GPC6: variants seen among roughly 807,000 people sequenced by gnomAD.
GPC6 encodes the protein glypican-6.
Under a neutral mutation model 55.2 loss-of-function variants are expected in GPC6, and 14 were observed. The observed-to-expected ratio is 0.25, with a 90% CI of 0.17 to 0.40. The LOEUF (loss-of-function observed/expected upper bound fraction) is 0.40, where lower values mean the gene tolerates loss of function less well. GPC6 is among the 10% of genes least tolerant of loss of function. GPC6 has a pLI of 1.00. For synonymous variants in GPC6, 278 were observed against 259.6 expected, an observed-to-expected ratio of 1.07 and a Z score of -0.68; for missense variants, 641 against 708.5, an observed-to-expected ratio of 0.90 and a Z score of 1.08.
chr13:93,659,555 A>AT (rs1006784187), intron 2 of GPC6, among the ~76,000 whole-genome samples: 2 of 151,966 alleles, frequency 1.3e-5, no homozygotes, highest in African/African-American at 4.8e-5. Flanking sequence ...TTAATGGGAT[A>AT]TTTTTCTTAA....
intron 1 of GPC6, among the ~76,000 whole-genome samples, chr13:93,451,725 T>C (rs1050541878): frequency 6.6e-5 from 10 of 152,220 alleles, no homozygotes; most frequent in African/African-American, 2.4e-4. Context: ...AATTTGATGA[T>C]GCTAAATTTA....
At chr13:93,580,825 A>G (rs1379812520) in intron 2 of GPC6, among the ~76,000 whole-genome samples, 1 of 152,344 alleles carries the variant, frequency 6.6e-6, no homozygotes, top group East Asian at 1.9e-4. Flanking sequence ...AAGTTACAAC[A>G]ATAATCTGCA....
At chr13:94,252,867 A>G (rs1198479531) in intron 4 of GPC6, among the ~76,000 whole-genome samples, 1 of 151,960 alleles carries the variant, frequency 6.6e-6, no homozygotes, top group South Asian at 2.1e-4. Context: ...TAGGCTCTCT[A>G]GAAACCCCAA....
At chr13:94,290,955 G>A (rs1177895276) in intron 5 of GPC6, among the ~76,000 whole-genome samples, 1 of 152,192 alleles carries the variant, frequency 6.6e-6, no homozygotes, top group Non-Finnish European at 1.5e-5. Flanking sequence ...ACTTTGGGAG[G>A]CCCAGGTGGG....
intron 4 of GPC6, among the ~76,000 whole-genome samples, chr13:94,280,702 A>G (rs886207950): frequency 1.3e-5 from 2 of 152,130 alleles, no homozygotes; most frequent in African/African-American, 4.8e-5. Flanking sequence ...ATTCTTTTGT[A>G]TGCTTCTCAG....
chr13:93,320,630 A>G (rs988035398), intron 1 of GPC6, among the ~76,000 whole-genome samples: 12 of 151,852 alleles, frequency 7.9e-5, no homozygotes, highest in Admixed American at 7.2e-4. Context: ...AGTAGTGTAT[A>G]TATTATATAT....
intron 4 of GPC6, among the ~76,000 whole-genome samples, chr13:94,263,020 CTT>C (rs1457361118): frequency 1.3e-5 from 2 of 152,202 alleles, no homozygotes; most frequent in Non-Finnish European, 2.9e-5. Flanking sequence ...ATAAAAATAA[CTT>C]TCACTTAGTG....
At chr13:93,853,851 A>G (rs1366322259) in intron 3 of GPC6, among the ~76,000 whole-genome samples, 5 of 151,702 alleles carry the variant, frequency 3.3e-5, no homozygotes, top group Admixed American at 1.3e-4. Flanking sequence ...ATTAAATACT[A>G]TATATGAACA....
intron 4 of GPC6, among the ~76,000 whole-genome samples, chr13:94,095,197 G>A (rs1051003901): frequency 2.0e-5 from 3 of 152,112 alleles, no homozygotes; most frequent in Non-Finnish European, 4.4e-5. Context: ...GGAAAGGAAT[G>A]TATTTAAATC....
intron 4 of GPC6, among the ~76,000 whole-genome samples, chr13:94,272,618 G>A (rs61962164): frequency 1.3e-4 from 19 of 151,584 alleles, no homozygotes; most frequent in East Asian, 5.8e-4. Context: ...ACAGGCGCCC[G>A]CCACCACGCC....
At chr13:94,314,464 C>G (rs1876416080) in intron 6 of GPC6, among the ~76,000 whole-genome samples, 1 of 152,174 alleles carries the variant, frequency 6.6e-6, no homozygotes, top group Admixed American at 6.5e-5. Flanking sequence ...ATGCAAAAGT[C>G]CATCTGCGCA....
intron 2 of GPC6, among the ~76,000 whole-genome samples, chr13:93,550,248 A>T (rs1329789838): frequency 1.3e-5 from 2 of 152,176 alleles, no homozygotes; most frequent in African/African-American, 4.8e-5. Flanking sequence ...AATATGGATT[A>T]TTCAGAGGCA....
intron 4 of GPC6, among the ~76,000 whole-genome samples, chr13:94,194,339 A>T (rs1187080264): frequency 6.6e-6 from 1 of 152,208 alleles, no homozygotes; most frequent in African/African-American, 2.4e-5. Context: ...CTGAAATTCA[A>T]ATTTAACAGA....
At chr13:94,228,608 C>T (rs1890626878) in intron 4 of GPC6, among the ~76,000 whole-genome samples, 2 of 151,756 alleles carry the variant, frequency 1.3e-5, no homozygotes, top group Non-Finnish European at 2.9e-5. Flanking sequence ...GAGACTGTTT[C>T]CCAGAAGGTG....
In GPC6 at chr13:94,288,823, ATATATTTGT is replaced by A. The variant is rs767188319; in HGVS notation, c.1008+2350_1008+2358del. 2.4e-4 allele frequency among the ~76,000 whole-genome samples: 29 copies of A among 120,400 alleles called. 1 individual carries two copies. Among genetic ancestry groups the A allele is most frequent in the Non-Finnish European group, 4.8e-4 (28 of 58,046 alleles). 79.0% of individuals were successfully genotyped at this position (120,400 alleles called of 152,430 possible). On this transcript the variant is annotated intron_variant, in intron 5 of 8. Transcript: ENST00000377047. ...TATATTTGTTATATATAATAAATAT[ATATATTTGT>A]TATATATAACAAATATATATAATAA...
At chr13:93,860,276 C>G (rs958198081) in intron 3 of GPC6, among the ~76,000 whole-genome samples, 2 of 151,504 alleles carry the variant, frequency 1.3e-5, no homozygotes, top group African/African-American at 2.4e-5. Flanking sequence ...TCTCATAGAC[C>G]CTTAAAATAG....
At chr13:94,370,496 A>G (rs1411318102) in intron 6 of GPC6, among the ~76,000 whole-genome samples, 5 of 152,354 alleles carry the variant, frequency 3.3e-5, no homozygotes, top group East Asian at 1.9e-4. Context: ...CCTGTCTTAT[A>G]AAAGGCACGT....
intron 4 of GPC6, among the ~76,000 whole-genome samples, chr13:94,198,114 A>G (rs1489215254): frequency 2.6e-5 from 4 of 152,232 alleles, no homozygotes; most frequent in Admixed American, 2.0e-4. Context: ...AAATACAAAC[A>G]GGTGTTTCAG....
At chr13:94,189,984 G>T (rs1445236991) in intron 4 of GPC6, among the ~76,000 whole-genome samples, 1 of 149,446 alleles carries the variant, frequency 6.7e-6, no homozygotes, top group African/African-American at 2.5e-5. Flanking sequence ...TCACGCCACT[G>T]CACCCCAGCC....
Sources: gnomAD v4.1 joint callset for allele counts (sites outside exome capture counted in the v4.1 genomes callset) on GRCh38, gnomAD v4.1.1 for gene constraint, MANE v1.5 for transcripts, NCBI Gene and HGNC (gene_info 2026-07-23, HGNC 2026-07-21) for gene names.